PHKA1: variants seen among roughly 807,000 people sequenced by gnomAD.
The protein encoded by PHKA1 is phosphorylase kinase regulatory subunit alpha 1, also known as phosphorylase b kinase regulatory subunit alpha, skeletal muscle isoform.
Under a neutral mutation model 110.2 loss-of-function variants are expected in PHKA1, and 60 were observed. The ratio of observed to expected loss-of-function variants is 0.54; its 90% CI spans 0.44 to 0.68. PHKA1 has a LOEUF of 0.68. Ranked by LOEUF, PHKA1 falls within the 30% of genes least tolerant of loss-of-function variation. PHKA1 has a pLI of 0.00. For missense variants in PHKA1, 801 were observed against 942.5 expected, an observed-to-expected ratio of 0.85 and a Z score of 1.97; for synonymous variants, 316 against 333.6, an observed-to-expected ratio of 0.95 and a Z score of 0.58.
At chrX:72,617,833 TA>T (rs781915694) in intron 21 of PHKA1, among the ~76,000 whole-genome samples, 1 of 93,567 alleles carries the variant, frequency 1.1e-5, no homozygotes, top group African/African-American at 3.9e-5. Flanking sequence ...TTCCAAAAAA[TA>T]AAAAAAATAA....
chrX:72,633,120 A>T (rs1556289281), intron 16 of PHKA1, among the ~76,000 whole-genome samples: 1 of 111,627 alleles, frequency 9.0e-6, no homozygotes, highest in Non-Finnish European at 1.9e-5. Flanking sequence ...TTCTTCATAT[A>T]AAATGTCTCT....
intron 5 of PHKA1, among the ~76,000 whole-genome samples, chrX:72,678,458 C>T (rs2053806020): frequency 8.9e-6 from 1 of 112,032 alleles, no homozygotes; most frequent in Non-Finnish European, 1.9e-5. Flanking sequence ...CCTTATCTGT[C>T]CCCCAATCCA....
intron 5 of PHKA1, among the ~76,000 whole-genome samples, chrX:72,680,172 G>A (rs2053830294): frequency 1.8e-5 from 2 of 110,817 alleles, no homozygotes; most frequent in African/African-American, 6.6e-5. Flanking sequence ...ACGCCACCAC[G>A]CCCAGCTAAT....
At chrX:72,685,415 A>G (rs1556318501) in intron 4 of PHKA1, among the ~76,000 whole-genome samples, 1 of 111,756 alleles carries the variant, frequency 8.9e-6, no homozygotes, top group Non-Finnish European at 1.9e-5. Context: ...GTGAGATTCA[A>G]GGTAGTTTTA....
At chrX:72,612,609 G>C (rs782594391) in intron 21 of PHKA1, among the ~76,000 whole-genome samples, 44 of 111,713 alleles carry the variant, frequency 3.9e-4, no homozygotes, top group African/African-American at 1.4e-3. Flanking sequence ...ATCAATAAGA[G>C]GCTGGCTAAG....
chrX:72,673,962 C>G (rs1367121143), intron 6 of PHKA1, among the ~76,000 whole-genome samples: 3 of 78,827 alleles, frequency 3.8e-5, no homozygotes, highest in African/African-American at 1.4e-4. Context: ...CCCCTCCCCC[C>G]ACCCCACAAC....
intron 3 of PHKA1, among the ~76,000 whole-genome samples, chrX:72,700,715 C>T (rs2054194504): frequency 9.0e-6 from 1 of 111,155 alleles, no homozygotes; most frequent in Non-Finnish European, 1.9e-5. Context: ...TTTTAGAAGA[C>T]GGTTTTATAA....
At chrX:72,708,127 G>A (rs1416222790) in intron 2 of PHKA1, among the ~76,000 whole-genome samples, 13 of 111,334 alleles carry the variant, frequency 1.2e-4, no homozygotes, top group Non-Finnish European at 2.5e-4. Context: ...TGGCTCCCAC[G>A]GAGGCAAAAA....
chrX:72,621,836 A>G (rs147894552), intron 18 of PHKA1: 2 of 749,004 alleles, frequency 2.7e-6, no homozygotes, highest in African/African-American at 4.6e-5. Flanking sequence ...AGGGCTGGCA[A>G]GCAATAAATA....
At chrX:72,626,252 C>G (rs1373422141) in intron 17 of PHKA1, among the ~76,000 whole-genome samples, 2 of 109,596 alleles carry the variant, frequency 1.8e-5, no homozygotes, top group Non-Finnish European at 3.8e-5. Flanking sequence ...ATGTTAATAA[C>G]AGGTGAATCT....
chrX:72,683,356 T>C (rs2053932641), intron 5 of PHKA1, among the ~76,000 whole-genome samples: 1 of 112,177 alleles, frequency 8.9e-6, no homozygotes, highest in African/African-American at 3.2e-5. Context: ...GAGGATCACC[T>C]GAGCCTGGGA....
At chrX:72,602,084 C>CA in intron 27 of PHKA1, 55 bp from the exon 28 acceptor site, 17 of 1,108,032 alleles carry the variant, frequency 1.5e-5, no homozygotes, top group Non-Finnish European at 2.0e-5. Context: ...ATAAATGACC[C>CA]AACAAAGTCT....
Position 72,714,022 on chromosome X carries a change from T to C in PHKA1, c.-142A>G. The C allele has an allele frequency of 1.9e-6, 1 of 536,660 alleles. No homozygotes were observed. Among genetic ancestry groups the C allele is most frequent in the East Asian group, 3.7e-5 (1 of 27,337 alleles). 44.2% of individuals were successfully genotyped at this position (536,660 alleles called of 1,213,427 possible). A position where few individuals can be genotyped will look rare whatever the true frequency, so the allele number is the denominator to read the frequency against. On this transcript the variant is annotated 5_prime_UTR_variant, in exon 1 of 32. Transcript: ENST00000373542. Reference sequence around the variant, plus strand: ...AGGCCCCGCAGAGCCCTCCCACCGCTCAGGCCTGGCGCCGCGGATTCCGCG... The same window carrying C: ...AGGCCCCGCAGAGCCCTCCCACCGCCCAGGCCTGGCGCCGCGGATTCCGCG...
At chrX:72,705,739 TTC>T (rs2054275135) in intron 2 of PHKA1, among the ~76,000 whole-genome samples, 1 of 112,193 alleles carries the variant, frequency 8.9e-6, no homozygotes, top group Non-Finnish European at 1.9e-5. Context: ...AGGGGATCTG[TTC>T]ATTTGACTCA....
In PHKA1 at chrX:72,580,812, G is replaced by C. The variant is rs1252931426; in HGVS notation, c.*190C>G. On this transcript the variant is annotated 3_prime_UTR_variant, in exon 32 of 32. Coordinates refer to ENST00000373542, the MANE Select transcript of PHKA1 (RefSeq NM_002637.4). ...AAGATTGTCACTGGTTCTGCAAGGT[G>C]AGCCTCCAGGTAAGTGTTCACTTCT... is the stretch of plus-strand genomic sequence containing the variant. 2.2e-5 allele frequency: 10 copies of C among 463,627 alleles called. No homozygotes were observed. The African/African-American group carries it at 2.4e-4, about 11-fold the overall frequency. The allele number at this position is 463,627 out of a possible 1,213,427, so 38.2% of individuals were successfully genotyped here.
chrX:72,648,079 A>G (rs2053382928), intron 13 of PHKA1, among the ~76,000 whole-genome samples: 1 of 111,934 alleles, frequency 8.9e-6, no homozygotes, highest in African/African-American at 3.3e-5. Context: ...GGGAAGATAA[A>G]AAAGTGGAAG....
rs1303778782 is a variant in PHKA1 at position 72,581,050 on chromosome X, G to A, written c.3624C>T (p.Ala1208=). The change falls in exon 32 of 32, where the codon GCC becomes GCT. Residue 1208 remains alanine, a synonymous_variant. Transcript: ENST00000373542. ...GGGGCAGGAACTCCTGCACGTAGGT[G>A]GCGGCTGCCTTGGAGAGGTAGGTCA... ...GTMTYLSKAA[A]TYVQEFLPHS... 8.3e-7 allele frequency: 1 copy of A among 1,209,463 alleles called. No individual in the cohort carries two copies. Among genetic ancestry groups the A allele is most frequent in the Non-Finnish European group, 1.1e-6 (1 of 894,750 alleles).
At chrX:72,679,514 T>G (rs979066062) in intron 5 of PHKA1, among the ~76,000 whole-genome samples, 7 of 110,450 alleles carry the variant, frequency 6.3e-5, no homozygotes, top group Non-Finnish European at 1.1e-4. Context: ...ACACAGATGT[T>G]AGAATACTCA....
At chrX:72,658,569 C>T (rs1466947389) in intron 8 of PHKA1, among the ~76,000 whole-genome samples, 4 of 111,322 alleles carry the variant, frequency 3.6e-5, no homozygotes, top group African/African-American at 1.3e-4. Context: ...TTCAGGATCC[C>T]ATATTGCATT....
Sources: allele counts gnomAD v4.1 joint callset (sites outside exome capture counted in the v4.1 genomes callset), GRCh38; gene constraint gnomAD v4.1.1; transcripts MANE v1.5; gene names NCBI Gene and HGNC (gene_info 2026-07-23, HGNC 2026-07-21).